Variants in AREL1 observed in about 807,000 individuals in gnomAD.
AREL1 encodes the protein apoptosis-resistant E3 ubiquitin protein ligase 1.
Under a neutral mutation model 99.0 loss-of-function variants are expected in AREL1, and 62 were observed. That is an observed-to-expected ratio of 0.63 (90% confidence interval 0.51 to 0.77). The LOEUF is 0.77. Among genes scored for constraint, AREL1 ranks in the 30% least tolerant of loss-of-function variants. The pLI is 0.00. For missense variants in AREL1, 879 were observed against 1,027.6 expected (o/e 0.86, Z 1.98); for synonymous variants, 380 against 376.5 (o/e 1.01, Z -0.11).
At chr14:74,670,608 G>A in intron 13 of AREL1, 154 bp downstream of exon 13, 1 of 626,736 alleles carries the variant, frequency 1.6e-6, no homozygotes, top group East Asian at 2.8e-5. Context: ...GCAAAGAGGA[G>A]AAAGACAATC....
intron 1 of AREL1, among the ~76,000 whole-genome samples, chr14:74,699,038 T>A (rs1397204586): frequency 6.6e-6 from 1 of 152,002 alleles, no homozygotes; most frequent in East Asian, 1.9e-4. Context: ...AAAACCAAGG[T>A]GTTTAGAAAG....
In AREL1 at chr14:74,667,662, C is replaced by G; in HGVS notation, c.1915-68G>C. 4 of 1,522,698 alleles carry G rather than the reference C, an allele frequency of 2.6e-6. No homozygotes were observed. In the South Asian group the frequency reaches 5.2e-5, roughly 20 times the overall value. The allele number at this position is 1,522,698 out of a possible 1,614,324, so 94.3% of individuals were successfully genotyped here. On this transcript the variant is annotated intron_variant, in intron 15 of 19. Coordinates refer to ENST00000356357, the MANE Select transcript of AREL1 (RefSeq NM_001039479.2). Reference sequence around the variant, plus strand: ...TGGAAATTTATGAGATGACATCTGCCTGGATGTTTTATAGACACAGATTAC... The same window carrying G: ...TGGAAATTTATGAGATGACATCTGCGTGGATGTTTTATAGACACAGATTAC...
intron 1 of AREL1, among the ~76,000 whole-genome samples, chr14:74,695,369 C>T (rs903363111): frequency 6.6e-6 from 1 of 152,058 alleles, no homozygotes; most frequent in African/African-American, 2.4e-5. Flanking sequence ...AATGAGCCAC[C>T]ACACCCAGCC....
intron 1 of AREL1, among the ~76,000 whole-genome samples, chr14:74,701,022 G>T (rs114570969): frequency 6.6e-6 from 1 of 152,124 alleles, no homozygotes; most frequent in African/African-American, 2.4e-5. Context: ...AATATAGACA[G>T]GGTCCAACAT....
chr14:74,705,236 T>C (rs1399132646), intron 1 of AREL1, among the ~76,000 whole-genome samples: 1 of 152,142 alleles, frequency 6.6e-6, no homozygotes, highest in African/African-American at 2.4e-5. Context: ...ACGGGGTTTC[T>C]CCATGTTGGT....
At chr14:74,664,217 G>A in intron 18 of AREL1, 143 bp from the exon 19 acceptor site, 1 of 915,404 alleles carries the variant, frequency 1.1e-6, no homozygotes, top group Admixed American at 2.9e-5. Flanking sequence ...AGTTTGACAA[G>A]CACTTCAAGA....
chr14:74,681,549 C>A (rs927351206), intron 5 of AREL1, among the ~76,000 whole-genome samples: 4 of 151,916 alleles, frequency 2.6e-5, no homozygotes, highest in Admixed American at 2.0e-4. Context: ...CTGAGGCGAG[C>A]GGATCATGAG....
Position 74,676,762 on chromosome 14 carries a change from A to G in AREL1, c.482-10T>C, listed in dbSNP as rs1463741915. 6.4e-7 allele frequency: 1 copy of G among 1,554,758 alleles called. No homozygotes were observed. Among genetic ancestry groups the G allele is most frequent in the East Asian group, 2.3e-5 (1 of 43,128 alleles). ...GAAGGAACCACCATTCCTGGAACAAAGACAATGGAATCTAACATTTATTTA... is the reference window on the plus strand; with the variant it reads ...GAAGGAACCACCATTCCTGGAACAAGGACAATGGAATCTAACATTTATTTA... On this transcript the variant is annotated splice_polypyrimidine_tract_variant and intron_variant, in intron 5 of 19. Coordinates refer to ENST00000356357, the MANE Select transcript of AREL1 (RefSeq NM_001039479.2).
At position 74,673,111 on chromosome 14, in the gene AREL1, T is replaced by G. The variant is rs2089392022; in HGVS notation, c.1266A>C (p.Ala422=). The G allele has an allele frequency of 6.2e-7, 1 of 1,614,080 alleles. No homozygotes were observed. Among genetic ancestry groups the G allele is most frequent in the African/African-American group, 1.3e-5 (1 of 74,930 alleles). ...TATGCAGGGAGCGGATAAAAGTGGC[T>G]GCTAGAATGTTCCTCTCCTTACAGC... ...ELSCKERNIL[A]ATFIRSLHKN... is the part of the protein sequence containing the mutation. The change falls in exon 10 of 20, where the codon GCA becomes GCC. Residue 422 remains alanine, a synonymous_variant. Coordinates refer to ENST00000356357, the MANE Select transcript of AREL1 (RefSeq NM_001039479.2).
chr14:74,702,792 C>A (rs1488714452), intron 1 of AREL1, among the ~76,000 whole-genome samples: 1 of 152,188 alleles, frequency 6.6e-6, no homozygotes, highest in East Asian at 1.9e-4. Flanking sequence ...TCATCTCTCT[C>A]AAATTCAAAG....
chr14:74,663,471 G>T lies in AREL1; in HGVS notation c.*249C>A. ...GGACCAAATAAATGATAGCAGCATG[G>T]TCCTCTTCTCATGACAGAATGAAGA... is the stretch of plus-strand genomic sequence containing the variant. On this transcript the variant is annotated 3_prime_UTR_variant, in exon 20 of 20. Transcript: ENST00000356357. 1.9e-6 allele frequency: 1 copy of T among 517,230 alleles called. No homozygotes were observed. The highest frequency in any genetic ancestry group is 3.5e-6 in the Non-Finnish European group (1 of 283,494). 32.0% of individuals were successfully genotyped at this position (517,230 alleles called of 1,614,324 possible). A position where few individuals can be genotyped will look rare whatever the true frequency, so the allele number is the denominator to read the frequency against.
In AREL1 at chr14:74,695,116, G is replaced by A. The variant is rs1191785843; in HGVS notation, c.-333-2788C>T. Among the ~76,000 whole-genome samples, 22 of 145,390 alleles carry A rather than the reference G, an allele frequency of 1.5e-4. 1 individual carries two copies. Among genetic ancestry groups the A allele is most frequent in the Admixed American group, 1.3e-3 (19 of 14,408 alleles). ...AGATAGAGTCTTGTTCTGTTGCCCAGGCTGGAGTGCACTGGCATGATCTTG... is the reference window on the plus strand; with the variant it reads ...AGATAGAGTCTTGTTCTGTTGCCCAAGCTGGAGTGCACTGGCATGATCTTG... On this transcript the variant is annotated intron_variant, in intron 1 of 19. Transcript: ENST00000356357.
Position 74,672,458 on chromosome 14 carries a change from C to G in AREL1, c.1422+373G>C, listed in dbSNP as rs188534339. On this transcript the variant is annotated intron_variant, in intron 11 of 19. Transcript: ENST00000356357. ...AGTTTCATGAAAAAGATAACCAGAT[C>G]AGGCATGGTAGCTCATGCCTGTAAT... Among the ~76,000 whole-genome samples the G allele has an allele frequency of 6.6e-5, 10 of 152,290 alleles. No homozygotes were observed. In the East Asian group the frequency reaches 1.7e-3, roughly 26 times the overall value.
At chr14:74,664,160 T>C (rs2089154677) in intron 18 of AREL1, 86 bp from the exon 19 acceptor site, 7 of 1,460,908 alleles carry the variant, frequency 4.8e-6, no homozygotes, top group African/African-American at 2.8e-5. Flanking sequence ...TACACTAAAG[T>C]GGGGCTGTGC....
In AREL1 at chr14:74,695,073, T is replaced by C. The variant is rs1020493104; in HGVS notation, c.-333-2745A>G. 1.3e-4 allele frequency among the ~76,000 whole-genome samples: 17 copies of C among 132,508 alleles called. No homozygotes were observed. In the East Asian group the frequency reaches 3.6e-3, roughly 28 times the overall value. The allele number at this position is 132,508 out of a possible 152,430, so 86.9% of individuals were successfully genotyped here. On this transcript the variant is annotated intron_variant, in intron 1 of 19. Transcript: ENST00000356357. Reference sequence around the variant, plus strand: ...ATTATACTGAACTTTTCTTTCCTTCTTTTTTTTTTTTTTTTTGAGATAGAG... The same window carrying C: ...ATTATACTGAACTTTTCTTTCCTTCCTTTTTTTTTTTTTTTTGAGATAGAG...
intron 16 of AREL1, 42 bp from the exon 17 acceptor site, chr14:74,667,419 GAT>G: frequency 6.2e-7 from 1 of 1,614,136 alleles, no homozygotes; most frequent in Non-Finnish European, 8.5e-7. Context: ...CCACACCATG[GAT>G]ACAGGTATTT....
At position 74,662,212 on chromosome 14, in the gene AREL1, TAGC is replaced by T. The variant is rs1785534815; in HGVS notation, c.*1505_*1507del. 5.2e-6 allele frequency: 1 copy of T among 192,190 alleles called. No individual in the cohort carries two copies. The highest frequency in any genetic ancestry group is 2.3e-5 in the African/African-American group (1 of 43,266). 11.9% of individuals were successfully genotyped at this position (192,190 alleles called of 1,614,324 possible). A position where few individuals can be genotyped will look rare whatever the true frequency, so the allele number is the denominator to read the frequency against. Reference sequence around the variant, plus strand: ...AAAGACTGAGGTCAGGCAGGAACTGTAGCAGCTCAGGAGGGCTTGTTCCTCATG... The same window carrying T: ...AAAGACTGAGGTCAGGCAGGAACTGTAGCTCAGGAGGGCTTGTTCCTCATG... On this transcript the variant is annotated 3_prime_UTR_variant, in exon 20 of 20. Coordinates refer to ENST00000356357, the MANE Select transcript of AREL1 (RefSeq NM_001039479.2).
rs2089139124 is a variant in AREL1, at chr14:74,663,737, C to T, written c.2455G>A (p.Gly819Ser). 2 of 1,613,934 alleles carry T rather than the reference C, an allele frequency of 1.2e-6. No individual in the cohort carries two copies. The highest frequency in any genetic ancestry group is 2.7e-5 in the African/African-American group (2 of 74,920). Residue 819 changes from glycine (G) to serine (S), a missense_variant, in exon 20 of 20, where the codon GGC becomes AGC. Coordinates refer to ENST00000356357, the MANE Select transcript of AREL1 (RefSeq NM_001039479.2). ...LQLAISEGCE[G>S]FGML is the part of the protein sequence containing the mutation. ...GAGAGTGGTCAGAGCATGCCAAAGC[C>T]CTCGCAACCCTCGCTGATGGCCAGC...
At chr14:74,688,284 C>T (rs1479911061) in intron 2 of AREL1, among the ~76,000 whole-genome samples, 1 of 152,094 alleles carries the variant, frequency 6.6e-6, no homozygotes, top group Non-Finnish European at 1.5e-5. Flanking sequence ...CTCAGCCTCC[C>T]AAAGTGCTGG....
Sources: gnomAD v4.1 joint callset for allele counts (sites outside exome capture counted in the v4.1 genomes callset) on GRCh38, gnomAD v4.1.1 for gene constraint, MANE v1.5 for transcripts, NCBI Gene and HGNC (gene_info 2026-07-23, HGNC 2026-07-21) for gene names.